The following OSBPL6 variants were observed in gnomAD, a reference collection of about 807,000 sequenced individuals.
OSBPL6 encodes oxysterol binding protein like 6.
In OSBPL6, 49 loss-of-function variants were observed where a neutral mutation model predicts 125.8. That is an observed-to-expected ratio of 0.39 (90% confidence interval 0.31 to 0.49). The LOEUF is 0.49. OSBPL6 is among the 20% of genes least tolerant of loss of function. The pLI is 0.88. For synonymous variants in OSBPL6, 394 were observed against 391.8 expected (o/e 1.01, Z -0.07); for missense variants, 986 against 1,135.4 (o/e 0.87, Z 1.89).
In OSBPL6 at chr2:178,401,267, C is replaced by A. The variant is rs1043016840; in HGVS notation, c.*5708C>A. 2.0e-5 allele frequency: 3 copies of A among 152,146 alleles called. No homozygotes were observed. The highest frequency in any genetic ancestry group is 6.5e-5 in the Admixed American group (1 of 15,276). 9.4% of individuals were successfully genotyped at this position (152,146 alleles called of 1,614,324 possible). ...TAGCCTATGCTGATTTATTTATCAT[C>A]CCCCCACCCCAACCCCACTTTTGTG... On this transcript the variant is annotated 3_prime_UTR_variant, in exon 25 of 25. Coordinates refer to ENST00000190611, the MANE Select transcript of OSBPL6 (RefSeq NM_032523.4).
intron 1 of OSBPL6, among the ~76,000 whole-genome samples, chr2:178,242,068 G>A (rs750147153): frequency 2.0e-5 from 3 of 152,160 alleles, no homozygotes; most frequent in Admixed American, 6.5e-5. Flanking sequence ...ACACAATGAC[G>A]AAATCACCTA....
chr2:178,370,526 T>A (rs912313523), intron 13 of OSBPL6, among the ~76,000 whole-genome samples: 1 of 152,170 alleles, frequency 6.6e-6, no homozygotes, highest in Admixed American at 6.5e-5. Context: ...TTTTTTCTAA[T>A]TCTAAGTGTT....
intron 1 of OSBPL6, among the ~76,000 whole-genome samples, chr2:178,276,978 T>A (rs1232836902): frequency 3.3e-5 from 5 of 152,172 alleles, no homozygotes; most frequent in Admixed American, 3.3e-4. Context: ...AACACAGCCA[T>A]GTTTATTTGT....
intron 13 of OSBPL6, among the ~76,000 whole-genome samples, chr2:178,363,927 G>A (rs1297707770): frequency 6.6e-6 from 1 of 152,166 alleles, no homozygotes. Context: ...TGTCATCCCA[G>A]CATTTTGGTG....
At chr2:178,360,631 A>G (rs1340004354) in intron 12 of OSBPL6, among the ~76,000 whole-genome samples, 2 of 152,336 alleles carry the variant, frequency 1.3e-5, no homozygotes, top group Admixed American at 1.3e-4. Context: ...CAAATTCTCT[A>G]TGCTAGGCAA....
At chr2:178,390,217 T>TA (rs1461800514) in intron 21 of OSBPL6, among the ~76,000 whole-genome samples, 1 of 152,260 alleles carries the variant, frequency 6.6e-6, no homozygotes, top group East Asian at 1.9e-4. Context: ...ATACACTTTT[T>TA]ATAACAAAGC....
At chr2:178,220,688 G>T (rs557285335) in intron 1 of OSBPL6, among the ~76,000 whole-genome samples, 10 of 152,232 alleles carry the variant, frequency 6.6e-5, no homozygotes, top group African/African-American at 2.4e-4. Context: ...ATTCAATTTC[G>T]TAGGGAAAAA....
At chr2:178,307,662 T>G (rs1686896066) in intron 3 of OSBPL6, among the ~76,000 whole-genome samples, 1 of 151,996 alleles carries the variant, frequency 6.6e-6, no homozygotes, top group Admixed American at 6.5e-5. Flanking sequence ...GCAAATTTAG[T>G]CTACCTTTGC....
intron 1 of OSBPL6, among the ~76,000 whole-genome samples, chr2:178,242,755 G>C (rs2091341801): frequency 1.3e-5 from 2 of 152,250 alleles, no homozygotes; most frequent in South Asian, 4.2e-4. Context: ...CAAAATGTGA[G>C]CAGGATATCG....
At chr2:178,235,469 C>T (rs1472226822) in intron 1 of OSBPL6, among the ~76,000 whole-genome samples, 1 of 127,826 alleles carries the variant, frequency 7.8e-6, no homozygotes, top group Non-Finnish European at 1.5e-5. Context: ...TGCGGTGGTG[C>T]AATCCTGGCT....
At chr2:178,377,354 A>G (rs1693974489) in intron 15 of OSBPL6, among the ~76,000 whole-genome samples, 2 of 152,212 alleles carry the variant, frequency 1.3e-5, no homozygotes, top group South Asian at 4.1e-4. Context: ...GATCAGGAAG[A>G]CAGTACCAAA....
chr2:178,270,428 ACT>A (rs1476763526), intron 1 of OSBPL6, among the ~76,000 whole-genome samples: 1 of 152,128 alleles, frequency 6.6e-6, no homozygotes, highest in Non-Finnish European at 1.5e-5. Context: ...TGAGGTGGAC[ACT>A]CTCTTAGTAG....
At chr2:178,214,153 T>C (rs2089986156) in intron 1 of OSBPL6, among the ~76,000 whole-genome samples, 3 of 152,164 alleles carry the variant, frequency 2.0e-5, no homozygotes, top group Non-Finnish European at 4.4e-5. Flanking sequence ...ATTTGCCAAC[T>C]GAATGTGTAA....
chr2:178,254,285 C>G (rs895708173), intron 1 of OSBPL6, among the ~76,000 whole-genome samples: 1 of 151,574 alleles, frequency 6.6e-6, no homozygotes, highest in African/African-American at 2.4e-5. Flanking sequence ...CCCAGCTACT[C>G]AGGAGGCTGA....
At chr2:178,266,629 A>G (rs762790848) in intron 1 of OSBPL6, among the ~76,000 whole-genome samples, 1 of 152,214 alleles carries the variant, frequency 6.6e-6, no homozygotes, top group African/African-American at 2.4e-5. Context: ...GCCTTAACAC[A>G]TGGAGCGAGG....
intron 13 of OSBPL6, among the ~76,000 whole-genome samples, chr2:178,363,935 GTGA>G (rs1367363151): frequency 1.3e-5 from 2 of 152,124 alleles, no homozygotes; most frequent in African/African-American, 2.4e-5. Context: ...CAGCATTTTG[GTGA>G]TGTTCACATC....
rs982176798 is a variant in OSBPL6, at chr2:178,312,902, CT to C, written c.102+6625del. ...TATGCTTACATTTCTTTCCTTCTTT[CT>C]TTTTTTTTGGAGACAGAGTTTTGCT... On this transcript the variant is annotated intron_variant, in intron 3 of 24. Coordinates refer to ENST00000190611, the MANE Select transcript of OSBPL6 (RefSeq NM_032523.4). Among the ~76,000 whole-genome samples, 10 of 150,176 alleles carry C rather than the reference CT, an allele frequency of 6.7e-5. No homozygotes were observed. The South Asian group carries it at 8.5e-4, about 13-fold the overall frequency.
chr2:178,220,812 G>T (rs1278842018), intron 1 of OSBPL6, among the ~76,000 whole-genome samples: 1 of 152,192 alleles, frequency 6.6e-6, no homozygotes, highest in African/African-American at 2.4e-5. Flanking sequence ...TACCTCTGTT[G>T]CTGACATCAG....
rs1333747954 is a variant in OSBPL6, at chr2:178,395,562, T to C, written c.*3T>C. 1.9e-6 allele frequency: 3 copies of C among 1,594,070 alleles called. No individual in the cohort carries two copies. The highest frequency in any genetic ancestry group is 2.6e-6 in the Non-Finnish European group (3 of 1,162,386). On this transcript the variant is annotated 3_prime_UTR_variant, in exon 25 of 25. Transcript: ENST00000190611. ...TAGACAGCCCTGTTCTTTGGTAGAC[T>C]GGGAATGTAGAGCTAGCCAACATAT... is the stretch of plus-strand genomic sequence containing the variant.
Sources: allele counts gnomAD v4.1 joint callset (sites outside exome capture counted in the v4.1 genomes callset), GRCh38; gene constraint gnomAD v4.1.1; transcripts MANE v1.5; gene names NCBI Gene and HGNC (gene_info 2026-07-23, HGNC 2026-07-21).